Variants in CYP2A6 observed in about 807,000 individuals in gnomAD.
CYP2A6 encodes the protein cytochrome P450 family 2 subfamily A member 6, also known as cytochrome P450 2A6.
In CYP2A6, 27 loss-of-function variants were observed where a neutral mutation model predicts 42.3. The ratio of observed to expected loss-of-function variants is 0.64; its 90% CI spans 0.47 to 0.88. The LOEUF (loss-of-function observed/expected upper bound fraction) is 0.88, where lower values mean the gene tolerates loss of function less well. CYP2A6 is among the 40% of genes least tolerant of loss of function. The pLI is 0.00. For missense variants in CYP2A6, 628 were observed against 646.0 expected (o/e 0.97, Z 0.30); for synonymous variants, 238 against 246.3 (o/e 0.97, Z 0.31).
At chr19:40,846,851 C>T (rs372132635) in intron 5 of CYP2A6, 24 bp downstream of exon 5, 1 of 1,609,856 alleles carries the variant, frequency 6.2e-7, no homozygotes, top group South Asian at 1.1e-5. Flanking sequence ...TTTGCATCTC[C>T]CCGCAGTGGC....
In CYP2A6 at chr19:40,846,521, C is replaced by G. The variant is rs529234878; in HGVS notation, c.831+354G>C. On this transcript the variant is annotated intron_variant, in intron 5 of 8. Transcript: ENST00000301141. ...TAAACAATTAATTAATTTTTTTTGA[C>G]ACAGGGCCTCATTCTGTCACCCAGA... Among the ~76,000 whole-genome samples, 9 of 151,240 alleles carry G rather than the reference C, an allele frequency of 6.0e-5. No homozygotes were observed. The East Asian group carries it at 6.1e-4, about 10-fold the overall frequency.
In CYP2A6 at chr19:40,850,231, C is replaced by T. The variant is rs762603502; in HGVS notation, c.180+16G>A. 43 of 1,602,116 alleles carry T rather than the reference C, an allele frequency of 2.7e-5. 1 individual carries two copies. The South Asian group carries it at 3.5e-4, about 13-fold the overall frequency. On this transcript the variant is annotated intron_variant, in intron 1 of 8. Transcript: ENST00000301141. ...AGCCCCCACCCCGTGCCACCCATCTCCCTGCCTTGGGACACCTTCATGAGG... is the reference window on the plus strand; with the variant it reads ...AGCCCCCACCCCGTGCCACCCATCTTCCTGCCTTGGGACACCTTCATGAGG...
In CYP2A6 at chr19:40,845,599, A is replaced by G. The variant is rs1346988076; in HGVS notation, c.974-118T>C. ...TCCGCCTATGAGACGGAAGTAGAGCATTCATAACAGAACAGACATCAGCCA... is the reference window on the plus strand; with the variant it reads ...TCCGCCTATGAGACGGAAGTAGAGCGTTCATAACAGAACAGACATCAGCCA... On this transcript the variant is annotated intron_variant, in intron 6 of 8. Coordinates refer to ENST00000301141, the MANE Select transcript of CYP2A6 (RefSeq NM_000762.6). 2.7e-6 allele frequency: 4 copies of G among 1,474,744 alleles called. No individual in the cohort carries two copies. The African/African-American group carries it at 4.2e-5, about 16-fold the overall frequency. The allele number at this position is 1,474,744 out of a possible 1,614,324, so 91.4% of individuals were successfully genotyped here. A position where few individuals can be genotyped will look rare whatever the true frequency, so the allele number is the denominator to read the frequency against.
chr19:40,843,697 C>A lies in CYP2A6; in HGVS notation c.*99G>T. On this transcript the variant is annotated 3_prime_UTR_variant, in exon 9 of 9. Transcript: ENST00000301141. ...CACCACGCCCCTTCCTTTCCGCCATCCTGCCCCCAGTCTTAGCTGCGCCCC... is the reference window on the plus strand; with the variant it reads ...CACCACGCCCCTTCCTTTCCGCCATACTGCCCCCAGTCTTAGCTGCGCCCC... 1 of 1,299,248 alleles carries A rather than the reference C, an allele frequency of 7.7e-7. No homozygotes were observed. The highest frequency in any genetic ancestry group is 1.0e-6 in the Non-Finnish European group (1 of 974,032). The allele number at this position is 1,299,248 out of a possible 1,614,324, so 80.5% of individuals were successfully genotyped here. A position where few individuals can be genotyped will look rare whatever the true frequency, so the allele number is the denominator to read the frequency against.
intron 2 of CYP2A6, 84 bp downstream of exon 2, chr19:40,849,734 G>A: frequency 6.3e-7 from 1 of 1,583,258 alleles, no homozygotes; most frequent in Non-Finnish European, 8.6e-7. Flanking sequence ...GCCTCCAGTT[G>A]GCAGGAGAGT....
chr19:40,849,038 A>AG (rs1967168236), intron 2 of CYP2A6, among the ~76,000 whole-genome samples: 3 of 39,726 alleles, frequency 7.6e-5, no homozygotes, highest in Admixed American at 2.6e-4. Flanking sequence ...GAGAGAGAAG[A>AG]GAGAGAGGAG....
At chr19:40,849,073 A>AGG (rs1967172953) in intron 2 of CYP2A6, among the ~76,000 whole-genome samples, 1 of 146,156 alleles carries the variant, frequency 6.8e-6, no homozygotes, top group Non-Finnish European at 1.5e-5. Flanking sequence ...AGAGAGAGAG[A>AGG]GAGAGAGAGA....
At chr19:40,844,803 A>G (rs2083447346) in intron 7 of CYP2A6, 31 bp from the exon 8 acceptor site, 2 of 1,596,628 alleles carry the variant, frequency 1.3e-6, no homozygotes, top group East Asian at 2.3e-5. Context: ...GTGTGTGATG[A>G]GGAGGGTCGG....
Position 40,849,927 on chromosome 19 carries a change from G to C in CYP2A6, c.234C>G (p.Val78=), listed in dbSNP as rs147022782. 2 of 1,611,366 alleles carry C rather than the reference G, an allele frequency of 1.2e-6. No individual in the cohort carries two copies. Among genetic ancestry groups the C allele is most frequent in the South Asian group, 1.1e-5 (1 of 90,876 alleles). ...VFTIHLGPRR[V]VVLCGHDAVR... ...CGGCATCATGTCCACACAGCACCACGACCCGCCGGGGCCCCAAGTGAATGG... is the reference window on the plus strand; with the variant it reads ...CGGCATCATGTCCACACAGCACCACCACCCGCCGGGGCCCCAAGTGAATGG... The change falls in exon 2 of 9, where the codon GTC becomes GTG. Residue 78 remains valine, a synonymous_variant. Coordinates refer to ENST00000301141, the MANE Select transcript of CYP2A6 (RefSeq NM_000762.6).
At chr19:40,845,907 G>A in intron 6 of CYP2A6, 49 bp downstream of exon 6, 1 of 1,593,538 alleles carries the variant, frequency 6.3e-7, no homozygotes, top group Non-Finnish European at 8.5e-7. Context: ...AGTCGAAGGG[G>A]AATTTTGAGG....
In CYP2A6 at chr19:40,845,152, G is replaced by A. The variant is rs745987327; in HGVS notation, c.1161+142C>T. On this transcript the variant is annotated intron_variant, in intron 7 of 8. Transcript: ENST00000301141. The stretch of plus-strand genomic sequence containing the variant: ...GAGTGTCTAAGTGGAAAGGTGGAAC[G>A]GATGTGGTGGTTGGGGAAGTCTTTT... 39 of 1,007,706 alleles carry A rather than the reference G, an allele frequency of 3.9e-5. 1 individual carries two copies. The highest frequency in any genetic ancestry group is 1.3e-4 in the African/African-American group (8 of 61,848). 62.4% of individuals were successfully genotyped at this position (1,007,706 alleles called of 1,614,324 possible).
rs1555783025 is a variant in CYP2A6, at chr19:40,848,971, A to AGAGAGG, written c.344-209_344-208insCCTCTC. Among the ~76,000 whole-genome samples, 31 of 108,270 alleles carry AGAGAGG rather than the reference A, an allele frequency of 2.9e-4. 1 individual carries two copies. Among genetic ancestry groups the AGAGAGG allele is most frequent in the Admixed American group, 1.3e-3 (14 of 11,048 alleles). The allele number at this position is 108,270 out of a possible 152,430, so 71.0% of individuals were successfully genotyped here. A position where few individuals can be genotyped will look rare whatever the true frequency, so the allele number is the denominator to read the frequency against. ...GAGAGAGAGAGAGAGAGAGAGAGAG[A>AGAGAGG]GAGAGAAGAGAGAGAGGAGAGAGAG... On this transcript the variant is annotated intron_variant, in intron 2 of 8. Coordinates refer to ENST00000301141, the MANE Select transcript of CYP2A6 (RefSeq NM_000762.6).
At chr19:40,848,146 C>T in intron 4 of CYP2A6, 73 bp downstream of exon 4, 1 of 1,587,126 alleles carries the variant, frequency 6.3e-7, no homozygotes, top group Non-Finnish European at 8.6e-7. Context: ...GAGTTTGGGG[C>T]ACCTGTCTCC....
At chr19:40,848,407 G>A (rs1271602913) in intron 3 of CYP2A6, 28 bp from the exon 4 acceptor site, 16 of 1,611,182 alleles carry the variant, frequency 9.9e-6, no homozygotes, top group African/African-American at 1.3e-5. Context: ...GAAGGGGGTT[G>A]GGGAGAGAGT....
chr19:40,844,567 A>C, intron 8 of CYP2A6, 64 bp downstream of exon 8: 1 of 1,609,044 alleles, frequency 6.2e-7, no homozygotes, highest in Non-Finnish European at 8.5e-7. Flanking sequence ...CAGAGAGGGG[A>C]GGAGGGTGAG....
Position 40,845,377 on chromosome 19 carries a change from G to A in CYP2A6, c.1078C>T (p.Gln360Ter), listed in dbSNP as rs1179522334. The change falls in exon 7 of 9, where the codon CAA becomes TAA. Residue 360 changes from glutamine (Q) to a stop codon, truncating the protein, a stop_gained. Transcript: ENST00000301141. LOFTEE classifies it high-confidence loss of function. ...PYMEAVIHEI[Q>*]RFGDVIPMSL... ...ATGGGGATCACGTCTCCAAATCTTT[G>A]GATCTCGTGGATCACTGCCTCCATG... The A allele has an allele frequency of 6.2e-7, 1 of 1,611,710 alleles. No homozygotes were observed. Among genetic ancestry groups the A allele is most frequent in the African/African-American group, 1.3e-5 (1 of 74,690 alleles).
In CYP2A6 at chr19:40,846,014, G is replaced by A. The variant is rs2644907; in HGVS notation, c.915C>T (p.Thr305=). 8 of 1,611,344 alleles carry A rather than the reference G, an allele frequency of 5.0e-6. No individual in the cohort carries two copies. The African/African-American group carries it at 6.7e-5, about 14-fold the overall frequency. ...AGCCATAGCGCAGGGTGGTGCTGAC[G>A]GTCTCGGTGCCCCCAATGAAGAGGT... The part of the protein sequence containing the change: ...TLNLFIGGTE[T]VSTTLRYGFL... The change falls in exon 6 of 9, where the codon ACC becomes ACT. Residue 305 remains threonine (T), a synonymous_variant. Transcript: ENST00000301141.
At chr19:40,849,689 T>A in intron 2 of CYP2A6, 129 bp downstream of exon 2, 1 of 1,508,624 alleles carries the variant, frequency 6.6e-7, no homozygotes, top group African/African-American at 1.4e-5. Context: ...TGAAGGGAGA[T>A]GGGGAGGGAA....
intron 5 of CYP2A6, 21 bp downstream of exon 5, chr19:40,846,854 G>C: frequency 6.2e-7 from 1 of 1,610,098 alleles, no homozygotes; most frequent in African/African-American, 1.3e-5. Context: ...GCATCTCCCC[G>C]CAGTGGCTGC....
Sources: allele counts gnomAD v4.1 joint callset (sites outside exome capture counted in the v4.1 genomes callset), GRCh38; gene constraint gnomAD v4.1.1; transcripts MANE v1.5; gene names NCBI Gene and HGNC (gene_info 2026-07-23, HGNC 2026-07-21).